RTTN: variants seen among roughly 807,000 people sequenced by gnomAD.
The protein encoded by RTTN is rotatin.
RTTN carries 182 observed loss-of-function variants against 269.2 expected under a neutral mutation model. The ratio of observed to expected loss-of-function variants is 0.68; its 90% confidence interval spans 0.60 to 0.76. RTTN has a LOEUF of 0.76. Ranked by LOEUF, RTTN falls within the 30% of genes least tolerant of loss-of-function variation. The pLI is 0.00. For synonymous variants in RTTN, 1,006 were observed against 963.5 expected (o/e 1.04, Z -0.82); for missense variants, 2,545 against 2,608.6 (o/e 0.98, Z 0.53).
At chr18:70,203,321 G>C (rs1427789663) in intron 3 of RTTN, among the ~76,000 whole-genome samples, 2 of 151,944 alleles carry the variant, frequency 1.3e-5, no homozygotes, top group Admixed American at 1.3e-4. Context: ...TCCTGCCTCA[G>C]CCTCCCTACT....
At chr18:70,089,736 A>T (rs894968798) in intron 30 of RTTN, among the ~76,000 whole-genome samples, 6 of 152,246 alleles carry the variant, frequency 3.9e-5, no homozygotes, top group Admixed American at 3.9e-4. Flanking sequence ...AAACTGGTTA[A>T]GCTGTGGTCA....
intron 11 of RTTN, among the ~76,000 whole-genome samples, chr18:70,169,844 C>A (rs978042860): frequency 1.3e-5 from 2 of 152,134 alleles, no homozygotes; most frequent in African/African-American, 4.8e-5. Flanking sequence ...AATCTCTTGA[C>A]AAGACTCACT....
chr18:70,129,595 CTCTA>C (rs1261241063), intron 23 of RTTN: 2 of 150,964 alleles, frequency 1.3e-5, no homozygotes, highest in East Asian at 2.0e-4. Context: ...GAAACTAGAT[CTCTA>C]TCTCTCGCCA....
intron 8 of RTTN, among the ~76,000 whole-genome samples, chr18:70,192,478 C>T (rs969220053): frequency 7.9e-5 from 12 of 151,782 alleles, no homozygotes; most frequent in African/African-American, 2.4e-4. Flanking sequence ...CCCAGGAGTT[C>T]GAGACCAGCC....
chr18:70,013,983 T>G (rs1379210934), intron 46 of RTTN, among the ~76,000 whole-genome samples: 1 of 152,212 alleles, frequency 6.6e-6, no homozygotes, highest in Non-Finnish European at 1.5e-5. Flanking sequence ...TAATCTATCT[T>G]CTAATTCCTA....
Position 70,028,716 on chromosome 18 carries a change from C to T in RTTN, c.5823+8G>A, listed in dbSNP as rs1162793092. On this transcript the variant is annotated splice_region_variant and intron_variant, in intron 43 of 48. Transcript: ENST00000640769. ...CCTATTAAAATTTTGAAAAGTAGTT[C>T]TACTTACTTTACATTCCTCATTTTG... is the stretch of plus-strand genomic sequence containing the variant. The T allele has an allele frequency of 6.3e-7, 1 of 1,579,372 alleles. No individual in the cohort carries two copies. Among genetic ancestry groups the T allele is most frequent in the Non-Finnish European group, 8.7e-7 (1 of 1,152,850 alleles).
intron 40 of RTTN, among the ~76,000 whole-genome samples, chr18:70,039,387 C>A (rs1599222755): frequency 6.7e-6 from 1 of 150,078 alleles, no homozygotes; most frequent in African/African-American, 2.5e-5. Flanking sequence ...AGTGGCATGA[C>A]ATATTTCAAG....
chr18:70,024,577 G>A (rs1047977596), intron 44 of RTTN, 145 bp downstream of exon 44: 7 of 692,684 alleles, frequency 1.0e-5, no homozygotes, highest in Non-Finnish European at 1.4e-5. Context: ...TAATACCTAC[G>A]AGAAAGCTTG....
At position 70,148,915 on chromosome 18, in the gene RTTN, T is replaced by A; in HGVS notation, c.2295A>T (p.Leu765=). The change falls in exon 17 of 49, where the codon CTA becomes CTT. Residue 765 remains leucine, a synonymous_variant. Coordinates refer to ENST00000640769, the MANE Select transcript of RTTN (RefSeq NM_173630.4). The stretch of plus-strand genomic sequence containing the variant: ...GTTGTACTCACGATGGCTTTTTCAC[T>A]AGCAAAAGTCGCAGCATGGACTTTA... ...TRLKSMLRLL[L]VKKPSVRSLA... is the part of the protein sequence containing the mutation. 1 of 1,613,468 alleles carries A rather than the reference T, an allele frequency of 6.2e-7. No individual in the cohort carries two copies. The highest frequency in any genetic ancestry group is 1.1e-5 in the South Asian group (1 of 91,042).
Position 70,196,595 on chromosome 18 carries a change from T to C in RTTN, c.747A>G (p.Ala249=). The change falls in exon 7 of 49, where the codon GCA becomes GCG. Residue 249 remains alanine, a synonymous_variant. Transcript: ENST00000640769. ...GCTGCAGGCAGGACACCGACTGTAATGCCAGGCGATGCTTTCCATCTCCAA... is the reference window on the plus strand; with the variant it reads ...GCTGCAGGCAGGACACCGACTGTAACGCCAGGCGATGCTTTCCATCTCCAA... ...LAFGDGKHRL[A]LQSVSCLQQL... 3 of 1,534,280 alleles carry C rather than the reference T, an allele frequency of 2.0e-6. No homozygotes were observed. The highest frequency in any genetic ancestry group is 1.8e-5 in the African/African-American group (1 of 55,850).
chr18:70,088,222 C>T lies in RTTN; in HGVS notation c.4144-75G>A, dbSNP rs142271696. On this transcript the variant is annotated intron_variant, in intron 30 of 48. Transcript: ENST00000640769. ...ACATGAATTCTTAGTTTTTCTGGTA[C>T]ATAAATATCACACTTTAAAAAAATC... The T allele has an allele frequency of 2.3e-3, 3,076 of 1,336,942 alleles. 12 individuals are homozygous for T. The highest frequency in any genetic ancestry group is 5.0e-3 in the South Asian group (334 of 66,906). The allele number at this position is 1,336,942 out of a possible 1,614,324, so 82.8% of individuals were successfully genotyped here.
At chr18:70,196,000 C>T (rs931702763) in intron 7 of RTTN, among the ~76,000 whole-genome samples, 2 of 152,126 alleles carry the variant, frequency 1.3e-5, no homozygotes, top group South Asian at 4.1e-4. Context: ...CTGGTTTTGT[C>T]GAAGCCAGGC....
At chr18:70,047,042 A>G (rs1270327686) in intron 40 of RTTN, among the ~76,000 whole-genome samples, 1 of 152,238 alleles carries the variant, frequency 6.6e-6, no homozygotes, top group South Asian at 2.1e-4. Context: ...CAGGCAAAGA[A>G]GTGGGTAAAA....
At chr18:70,162,493 A>G (rs555885512) in intron 14 of RTTN, among the ~76,000 whole-genome samples, 1 of 152,316 alleles carries the variant, frequency 6.6e-6, no homozygotes, top group African/African-American at 2.4e-5. Flanking sequence ...TCAGGAAATA[A>G]TCATGTCAGA....
chr18:70,019,545 C>T (rs2056642039), intron 45 of RTTN: 2 of 152,102 alleles, frequency 1.3e-5, no homozygotes, highest in African/African-American at 2.4e-5. Flanking sequence ...AATATCCAGC[C>T]ATGTGCTGGT....
chr18:70,115,760 AATGT>A (rs1275651201), intron 26 of RTTN, among the ~76,000 whole-genome samples: 1 of 152,002 alleles, frequency 6.6e-6, no homozygotes, highest in African/African-American at 2.4e-5. Flanking sequence ...ATACAATCAA[AATGT>A]AACTATTGTT....
At chr18:70,078,285 T>C (rs2058478260) in intron 32 of RTTN, among the ~76,000 whole-genome samples, 1 of 151,996 alleles carries the variant, frequency 6.6e-6, no homozygotes. Context: ...TCACCAAACA[T>C]ATGGTAACTA....
rs1166617132 is a variant in RTTN at position 70,088,095 on chromosome 18, C to A, written c.4196G>T (p.Gly1399Val). Residue 1399 changes from glycine to valine, a missense_variant, in exon 31 of 49, where the codon GGC (glycine) becomes GTC (valine). Physicochemically the swap from Gly to Val is moderately radical, Grantham distance 109 (BLOSUM62 -3). Coordinates refer to ENST00000640769, the MANE Select transcript of RTTN (RefSeq NM_173630.4). Reference protein sequence around the residue: ...LGSALTTLETGCVALANSCQN... With the variant: ...LGSALTTLETVCVALANSCQN... Reference sequence around the variant, plus strand: ...ACAACTGTTTGCTAAGGCCACACAGCCCGTTTCAAGGGTGGTCAGTGCTGA... The same window carrying A: ...ACAACTGTTTGCTAAGGCCACACAGACCGTTTCAAGGGTGGTCAGTGCTGA... 6.2e-7 allele frequency: 1 copy of A among 1,613,906 alleles called. No individual in the cohort carries two copies.
intron 10 of RTTN, among the ~76,000 whole-genome samples, chr18:70,180,861 T>C (rs935015995): frequency 2.0e-5 from 3 of 152,222 alleles, no homozygotes; most frequent in African/African-American, 7.2e-5. Context: ...ATTTTACTAA[T>C]GTCATATTAA....
Sources: allele counts gnomAD v4.1 joint callset (sites outside exome capture counted in the v4.1 genomes callset), GRCh38; gene constraint gnomAD v4.1.1; transcripts MANE v1.5; gene names NCBI Gene and HGNC (gene_info 2026-07-23, HGNC 2026-07-21).